The following ERC2 variants were observed in gnomAD, a reference collection of about 807,000 sequenced individuals.
ERC2 encodes ELKS/RAB6-interacting/CAST family member 2.
Under a neutral mutation model 114.8 loss-of-function variants are expected in ERC2, and 42 were observed. The ratio of observed to expected loss-of-function variants is 0.37; its 90% CI spans 0.29 to 0.47. ERC2 has a LOEUF of 0.47. ERC2 is among the 20% of genes least tolerant of loss of function. The pLI, the probability that ERC2 is intolerant of heterozygous loss-of-function variation, is 0.99. For missense variants in ERC2, 939 were observed against 1,150.7 expected (o/e 0.82, Z 2.66); for synonymous variants, 454 against 425.5 (o/e 1.07, Z -0.82).
intron 14 of ERC2, among the ~76,000 whole-genome samples, chr3:55,743,554 A>G (rs139083528): frequency 7.3e-6 from 1 of 136,762 alleles, no homozygotes; most frequent in East Asian, 2.3e-4. Flanking sequence ...GGCAGTGGAC[A>G]TGTGTGAGGC....
At chr3:56,395,252 G>A (rs1232379069) in intron 2 of ERC2, among the ~76,000 whole-genome samples, 2 of 152,016 alleles carry the variant, frequency 1.3e-5, no homozygotes, top group African/African-American at 4.8e-5. Context: ...TCACTGAATT[G>A]TACACTGTAA....
intron 6 of ERC2, among the ~76,000 whole-genome samples, chr3:56,118,550 T>C (rs1478047651): frequency 6.6e-6 from 1 of 152,068 alleles, no homozygotes; most frequent in Non-Finnish European, 1.5e-5. Context: ...GTCTTTTCCA[T>C]GTACTAATTT....
chr3:55,941,711 A>G (rs559023098), intron 13 of ERC2, among the ~76,000 whole-genome samples: 28 of 152,218 alleles, frequency 1.8e-4, no homozygotes, highest in Non-Finnish European at 3.1e-4. Context: ...TTCCATCACA[A>G]GAGACTTCCT....
At chr3:56,155,975 G>A (rs190177455) in intron 4 of ERC2, among the ~76,000 whole-genome samples, 1 of 152,144 alleles carries the variant, frequency 6.6e-6, no homozygotes, top group Non-Finnish European at 1.5e-5. Context: ...TCAGAATCAA[G>A]CTAGGAATTT....
intron 2 of ERC2, among the ~76,000 whole-genome samples, chr3:56,325,610 A>G (rs1576440114): frequency 6.6e-6 from 1 of 152,290 alleles, no homozygotes; most frequent in East Asian, 1.9e-4. Flanking sequence ...GGTTCATGAA[A>G]ATTATGAAGT....
At chr3:55,653,564 AGTGTGTGTGT>A (rs36231107) in intron 17 of ERC2, among the ~76,000 whole-genome samples, 19,492 of 140,984 alleles carry the variant, frequency 0.14, 1,388 homozygotes, top group East Asian at 0.25. Flanking sequence ...ACCTGGTAAA[AGTGTGTGTGT>A]GTGTGTGTGT....
chr3:56,051,697 G>T (rs1016174355), intron 7 of ERC2, among the ~76,000 whole-genome samples: 1 of 151,942 alleles, frequency 6.6e-6, no homozygotes, highest in African/African-American at 2.4e-5. Context: ...ATGGTGGTGT[G>T]TGCCTGTAGT....
intron 14 of ERC2, among the ~76,000 whole-genome samples, chr3:55,772,508 G>T (rs1004780697): frequency 6.6e-6 from 1 of 152,182 alleles, no homozygotes; most frequent in African/African-American, 2.4e-5. Flanking sequence ...AGTAGAGACG[G>T]GGTTTCACCG....
rs114737220 is a variant in ERC2, at chr3:56,333,142, C to A, written c.658-36707G>T. Among the ~76,000 whole-genome samples, 1,243 of 152,316 alleles carry A rather than the reference C, an allele frequency of 8.2e-3. 14 individuals carry two copies. Among genetic ancestry groups the A allele is most frequent in the African/African-American group, 0.028 (1,169 of 41,564 alleles). On this transcript the variant is annotated intron_variant, in intron 2 of 17. Coordinates refer to ENST00000288221, the MANE Select transcript of ERC2 (RefSeq NM_015576.3). The stretch of plus-strand genomic sequence containing the variant: ...CTACGGCTAACTGTCAGAGACGGTC[C>A]ATTAATGTCTTACATTTCTTATGCT...
chr3:55,917,972 C>A (rs964109909), intron 13 of ERC2, among the ~76,000 whole-genome samples: 11 of 152,014 alleles, frequency 7.2e-5, no homozygotes, highest in African/African-American at 2.4e-4. Flanking sequence ...CAGAGAAACA[C>A]TGAAATCTCG....
intron 17 of ERC2, among the ~76,000 whole-genome samples, chr3:55,514,323 G>T (rs1278794001): frequency 5.3e-5 from 8 of 152,138 alleles, no homozygotes; most frequent in Non-Finnish European, 1.2e-4. Flanking sequence ...ACTGAACTGG[G>T]GAGGTCGAGG....
At chr3:56,251,574 C>A (rs2052158206) in intron 3 of ERC2, among the ~76,000 whole-genome samples, 1 of 152,062 alleles carries the variant, frequency 6.6e-6, no homozygotes, top group East Asian at 1.9e-4. Context: ...TGTAATGTTG[C>A]TAAGCAACAT....
chr3:55,839,827 A>G (rs2149212647), intron 14 of ERC2, among the ~76,000 whole-genome samples: 1 of 152,100 alleles, frequency 6.6e-6, no homozygotes, highest in Non-Finnish European at 1.5e-5. Context: ...ACAGATTTAA[A>G]TCTGGCCATA....
chr3:56,373,942 C>G (rs1196768069), intron 2 of ERC2, among the ~76,000 whole-genome samples: 1 of 152,068 alleles, frequency 6.6e-6, no homozygotes, highest in East Asian at 1.9e-4. Context: ...TATACAAAAA[C>G]AAAAGGTGGG....
chr3:55,765,258 T>G (rs1407453717), intron 14 of ERC2, among the ~76,000 whole-genome samples: 1 of 152,222 alleles, frequency 6.6e-6, no homozygotes, highest in Non-Finnish European at 1.5e-5. Context: ...TACATGCAAT[T>G]ATCTACATTA....
intron 3 of ERC2, among the ~76,000 whole-genome samples, chr3:56,193,705 C>A (rs889388580): frequency 2.0e-5 from 3 of 152,000 alleles, no homozygotes; most frequent in Non-Finnish European, 4.4e-5. Flanking sequence ...ACTGATGAGA[C>A]CAGTACTATT....
At position 56,336,908 on chromosome 3, in the gene ERC2, CA is replaced by C. The variant is rs1463078686; in HGVS notation, c.658-40474del. On this transcript the variant is annotated intron_variant, in intron 2 of 17. Coordinates refer to ENST00000288221, the MANE Select transcript of ERC2 (RefSeq NM_015576.3). ...AAGAGTTCAACTTTATCACTAATAC[CA>C]AAACTTAATAAAAAAGCTAAATACT... 2.0e-5 allele frequency among the ~76,000 whole-genome samples: 3 copies of C among 151,888 alleles called. No individual in the cohort carries two copies. In the East Asian group the frequency reaches 6.0e-4, roughly 30 times the overall value.
chr3:55,926,841 G>A (rs1228722544), intron 13 of ERC2, among the ~76,000 whole-genome samples: 1 of 152,170 alleles, frequency 6.6e-6, no homozygotes, highest in Admixed American at 6.5e-5. Flanking sequence ...TGGGGGTCAT[G>A]TAATCTTCTT....
chr3:55,698,647 T>C (rs1050042698), intron 16 of ERC2, among the ~76,000 whole-genome samples: 3 of 152,208 alleles, frequency 2.0e-5, no homozygotes, highest in Admixed American at 6.5e-5. Context: ...GGCAGGAATC[T>C]TAGTACAACA....
Sources: gnomAD v4.1 joint callset for allele counts (sites outside exome capture counted in the v4.1 genomes callset) on GRCh38, gnomAD v4.1.1 for gene constraint, MANE v1.5 for transcripts, NCBI Gene and HGNC (gene_info 2026-07-23, HGNC 2026-07-21) for gene names.